The following ASIC2 variants were observed in gnomAD, a reference collection of about 807,000 sequenced individuals.
The protein encoded by ASIC2 is acid-sensing ion channel 2.
Under a neutral mutation model 57.3 loss-of-function variants are expected in ASIC2, and 25 were observed. That is an observed-to-expected ratio of 0.44 (90% confidence interval 0.32 to 0.61). The LOEUF (loss-of-function observed/expected upper bound fraction) is 0.61. Among genes scored for constraint, ASIC2 ranks in the 20% least tolerant of loss-of-function variants. The pLI is 0.06. For synonymous variants in ASIC2, 319 were observed against 307.5 expected, an observed-to-expected ratio of 1.04 and a Z score of -0.39; for missense variants, 641 against 738.1, an observed-to-expected ratio of 0.87 and a Z score of 1.52.
At chr17:33,493,665 G>T (rs1913833679) in intron 1 of ASIC2, among the ~76,000 whole-genome samples, 2 of 152,082 alleles carry the variant, frequency 1.3e-5, no homozygotes, top group South Asian at 4.2e-4. Context: ...TTCTATTTTA[G>T]CTGTGTCCTT....
intron 1 of ASIC2, among the ~76,000 whole-genome samples, chr17:33,708,205 A>G (rs2084190190): frequency 6.6e-6 from 1 of 152,200 alleles, no homozygotes; most frequent in Non-Finnish European, 1.5e-5. Context: ...ATTTTTGAAG[A>G]CATCTATTGC....
chr17:33,256,988 A>G (rs1909104385), intron 1 of ASIC2, among the ~76,000 whole-genome samples: 3 of 152,136 alleles, frequency 2.0e-5, no homozygotes, highest in African/African-American at 7.2e-5. Context: ...AGCTCTCCCT[A>G]TTCCCTACAG....
At chr17:33,353,798 A>G (rs1908272086) in intron 1 of ASIC2, among the ~76,000 whole-genome samples, 1 of 152,156 alleles carries the variant, frequency 6.6e-6, no homozygotes, top group Non-Finnish European at 1.5e-5. Context: ...TCAGTCAATT[A>G]ATTCATCTTT....
intron 1 of ASIC2, among the ~76,000 whole-genome samples, chr17:34,058,576 C>T (rs1003792766): frequency 2.0e-5 from 3 of 152,182 alleles, no homozygotes; most frequent in Non-Finnish European, 4.4e-5. Context: ...AGGTAGCAGG[C>T]CTTGAAACGC....
intron 1 of ASIC2, among the ~76,000 whole-genome samples, chr17:33,361,765 T>C (rs1908617145): frequency 6.6e-6 from 1 of 152,208 alleles, no homozygotes. Flanking sequence ...CCCCAGTGAC[T>C]CTGCACTTTG....
intron 1 of ASIC2, among the ~76,000 whole-genome samples, chr17:33,332,054 G>C (rs1009986934): frequency 4.6e-5 from 7 of 152,192 alleles, no homozygotes; most frequent in Non-Finnish European, 1.0e-4. Context: ...TTTTAGCAGT[G>C]AAGGCTAAAA....
intron 1 of ASIC2, among the ~76,000 whole-genome samples, chr17:33,511,994 G>A (rs188657261): frequency 2.9e-4 from 44 of 152,338 alleles, no homozygotes; most frequent in African/African-American, 1.0e-3. Flanking sequence ...CCCAGCCCTT[G>A]TCAGTGCAAT....
intron 1 of ASIC2, among the ~76,000 whole-genome samples, chr17:33,958,036 G>A (rs1240189700): frequency 6.6e-6 from 1 of 152,224 alleles, no homozygotes; most frequent in Admixed American, 6.5e-5. Flanking sequence ...TAATAGGGTA[G>A]TCATTAAACC....
chr17:33,985,369 G>A (rs975833241), intron 1 of ASIC2, among the ~76,000 whole-genome samples: 10 of 152,084 alleles, frequency 6.6e-5, no homozygotes, highest in Non-Finnish European at 1.3e-4. Flanking sequence ...CGTAACTTTA[G>A]CGTGCATAGA....
chr17:33,312,355 G>A (rs1210669776), intron 1 of ASIC2, among the ~76,000 whole-genome samples: 1 of 152,190 alleles, frequency 6.6e-6, no homozygotes, highest in Non-Finnish European at 1.5e-5. Flanking sequence ...TGTAATGAGA[G>A]AATTTCATTT....
chr17:33,967,153 A>C (rs1905098046), intron 1 of ASIC2, among the ~76,000 whole-genome samples: 1 of 151,194 alleles, frequency 6.6e-6, no homozygotes, highest in African/African-American at 2.4e-5. Context: ...TTCCCACAAT[A>C]CTCATATTCA....
At chr17:34,146,500 A>T (rs547506665) in intron 1 of ASIC2, among the ~76,000 whole-genome samples, 209 of 152,302 alleles carry the variant, frequency 1.4e-3, no homozygotes, top group Admixed American at 5.4e-3. Context: ...GTAAGCATGA[A>T]TGTGGTTTCA....
intron 1 of ASIC2, among the ~76,000 whole-genome samples, chr17:33,323,882 G>T (rs74521634): frequency 4.0e-5 from 6 of 151,762 alleles, no homozygotes; most frequent in Non-Finnish European, 2.9e-5. Flanking sequence ...AGAAACAAGC[G>T]TGGAAAGTGT....
chr17:33,886,174 TG>T (rs1914825148), intron 1 of ASIC2, among the ~76,000 whole-genome samples: 1 of 152,200 alleles, frequency 6.6e-6, no homozygotes, highest in African/African-American at 2.4e-5. Flanking sequence ...ATCTTTGTTT[TG>T]GGACCCTGGC....
chr17:33,788,555 A>G (rs1911672981), intron 1 of ASIC2, among the ~76,000 whole-genome samples: 1 of 152,220 alleles, frequency 6.6e-6, no homozygotes, highest in Non-Finnish European at 1.5e-5. Context: ...ATTACTGGTT[A>G]TATACCTTAA....
chr17:33,288,759 C>A (rs1905298105), intron 1 of ASIC2, among the ~76,000 whole-genome samples: 2 of 145,418 alleles, frequency 1.4e-5, no homozygotes, highest in African/African-American at 5.1e-5. Context: ...CACACACACA[C>A]AACTAATATG....
At chr17:34,040,066 G>T (rs1254150868) in intron 1 of ASIC2, among the ~76,000 whole-genome samples, 2 of 145,478 alleles carry the variant, frequency 1.4e-5, no homozygotes, top group African/African-American at 5.2e-5. Context: ...GCGGGGGAGG[G>T]GGGGCACGAA....
intron 1 of ASIC2, among the ~76,000 whole-genome samples, chr17:33,507,343 G>A (rs1268961674): frequency 1.3e-5 from 2 of 152,200 alleles, no homozygotes; most frequent in South Asian, 2.1e-4. Flanking sequence ...CAAGCACACC[G>A]ATAAATCATC....
intron 1 of ASIC2, among the ~76,000 whole-genome samples, chr17:33,459,366 T>A (rs984663843): frequency 6.6e-6 from 1 of 152,172 alleles, no homozygotes; most frequent in Non-Finnish European, 1.5e-5. Context: ...GCGTGCAGGA[T>A]CAATGTATCT....
Sources: allele counts gnomAD v4.1 joint callset (sites outside exome capture counted in the v4.1 genomes callset), GRCh38; gene constraint gnomAD v4.1.1; transcripts MANE v1.5; gene names NCBI Gene and HGNC (gene_info 2026-07-23, HGNC 2026-07-21).